WNT7A: variants seen among roughly 807,000 people sequenced by gnomAD.
WNT7A encodes the protein protein Wnt-7a.
Under a neutral mutation model 28.2 loss-of-function variants are expected in WNT7A, and 16 were observed. The observed-to-expected ratio is 0.57, with a 90% CI of 0.38 to 0.86. The LOEUF (loss-of-function observed/expected upper bound fraction) is 0.86. WNT7A is among the 40% of genes least tolerant of loss of function. The pLI is 0.00. For synonymous variants in WNT7A, 190 were observed against 195.9 expected (o/e 0.97, Z 0.25); for missense variants, 411 against 489.7 (o/e 0.84, Z 1.52).
Position 13,863,276 on chromosome 3 carries a change from C to T in WNT7A, c.299-8473G>A, listed in dbSNP as rs141306596. On this transcript the variant is annotated intron_variant, in intron 2 of 3. Coordinates refer to ENST00000285018, the MANE Select transcript of WNT7A (RefSeq NM_004625.4). ...CTCCACCTGTGGCCCAGCACCCTGT[C>T]CATCCTTACTTTGTATTGAATTGAA... Among the ~76,000 whole-genome samples the T allele has an allele frequency of 6.0e-3, 917 of 152,306 alleles. 8 individuals are homozygous for T. The highest frequency in any genetic ancestry group is 0.021 in the African/African-American group (871 of 41,558).
intron 2 of WNT7A, among the ~76,000 whole-genome samples, chr3:13,862,319 C>A (rs1287431651): frequency 6.6e-6 from 1 of 152,240 alleles, no homozygotes; most frequent in African/African-American, 2.4e-5. Context: ...ATGTCCAAGC[C>A]TGCCCAAAAG....
At chr3:13,851,949 A>G (rs1694644952) in intron 3 of WNT7A, among the ~76,000 whole-genome samples, 1 of 152,222 alleles carries the variant, frequency 6.6e-6, no homozygotes, top group Admixed American at 6.5e-5. Context: ...GCACCTAACC[A>G]TTCTGATTCG....
intron 2 of WNT7A, among the ~76,000 whole-genome samples, chr3:13,869,661 G>GAC (rs1694998622): frequency 3.0e-5 from 2 of 67,600 alleles, no homozygotes; most frequent in Admixed American, 1.4e-4. Context: ...GAAAGAAAGA[G>GAC]GGAAGGAGGG....
At chr3:13,823,944 G>A (rs1363405334) in intron 3 of WNT7A, among the ~76,000 whole-genome samples, 1 of 152,170 alleles carries the variant, frequency 6.6e-6, no homozygotes, top group African/African-American at 2.4e-5. Context: ...ACAGCCCCCG[G>A]ATTCTAGCAG....
rs555742846 is a variant in WNT7A at position 13,826,419 on chromosome 3, C to T, written c.571-6996G>A. 7.9e-5 allele frequency among the ~76,000 whole-genome samples: 12 copies of T among 152,080 alleles called. No individual in the cohort carries two copies. In the East Asian group the frequency reaches 9.6e-4, roughly 12 times the overall value. ...CCAGGGCTGAGCTGGAGTCAGATAA[C>T]GGGAGGGATAAATTAGAACTGGCCA... On this transcript the variant is annotated intron_variant, in intron 3 of 3. Coordinates refer to ENST00000285018, the MANE Select transcript of WNT7A (RefSeq NM_004625.4).
chr3:13,856,918 A>AAGAAGAAGAAGAAGG, intron 2 of WNT7A, among the ~76,000 whole-genome samples: 1 of 99,986 alleles, frequency 1.0e-5, no homozygotes, highest in Non-Finnish European at 1.9e-5. Context: ...GAAGAAGAAG[A>AAGAAGAAGAAGAAGG]AGAAGAAGAA....
rs1694023706 is a variant in WNT7A, at chr3:13,817,448, ACACACACACACACACACACACACCG to A, written c.*1471_*1495del. On this transcript the variant is annotated 3_prime_UTR_variant, in exon 4 of 4. Transcript: ENST00000285018. ...TACACACACACACACACACACACACACACACACACACACACACACACACCGGAAATGCAAACGGACACATATTAGA... is the reference window on the plus strand; with the variant it reads ...TACACACACACACACACACACACACAGAAATGCAAACGGACACATATTAGA... 1.9e-5 allele frequency: 2 copies of A among 107,076 alleles called. No homozygotes were observed. The highest frequency in any genetic ancestry group is 3.5e-5 in the African/African-American group (1 of 28,706). The allele number at this position is 107,076 out of a possible 1,614,324, so 6.6% of individuals were successfully genotyped here. A position where few individuals can be genotyped will look rare whatever the true frequency, so the allele number is the denominator to read the frequency against.
At chr3:13,879,690 C>G in intron 1 of WNT7A, 56 bp downstream of exon 1, 2 of 1,583,128 alleles carry the variant, frequency 1.3e-6, no homozygotes. Flanking sequence ...ACCTCCCTCC[C>G]CGGGCCGTGC....
chr3:13,844,716 G>T (rs1694512240), intron 3 of WNT7A, among the ~76,000 whole-genome samples: 1 of 152,184 alleles, frequency 6.6e-6, no homozygotes, highest in South Asian at 2.1e-4. Flanking sequence ...AAGTGCCTTT[G>T]TCAGGCAAGG....
chr3:13,864,821 AT>A (rs376960806), intron 2 of WNT7A, among the ~76,000 whole-genome samples: 10 of 152,296 alleles, frequency 6.6e-5, no homozygotes, highest in African/African-American at 2.4e-4. Flanking sequence ...TCGCATATAC[AT>A]TTTACATGTA....
intron 3 of WNT7A, among the ~76,000 whole-genome samples, chr3:13,839,870 G>A (rs1694428956): frequency 6.6e-6 from 1 of 152,212 alleles, no homozygotes; most frequent in African/African-American, 2.4e-5. Context: ...TTAAAATGCT[G>A]ACAGCCTCCC....
chr3:13,854,505 G>C, intron 3 of WNT7A, 27 bp downstream of exon 3: 4 of 1,613,714 alleles, frequency 2.5e-6, no homozygotes, highest in Non-Finnish European at 3.4e-6. Flanking sequence ...CGCGAGCGCC[G>C]CCCAGCTGCC....
intron 3 of WNT7A, among the ~76,000 whole-genome samples, chr3:13,823,996 C>T (rs1694149576): frequency 6.6e-6 from 1 of 152,204 alleles, no homozygotes; most frequent in Admixed American, 6.5e-5. Context: ...TAACCACTCC[C>T]CAGTGTAGCC....
intron 3 of WNT7A, among the ~76,000 whole-genome samples, chr3:13,853,651 G>C (rs1173031249): frequency 6.6e-6 from 1 of 152,200 alleles, no homozygotes; most frequent in East Asian, 1.9e-4. Context: ...TGTTGCCCAC[G>C]GGCTCATGGC....
At chr3:13,854,360 C>T (rs1278145456) in intron 3 of WNT7A, among the ~76,000 whole-genome samples, 172 bp downstream of exon 3, 5 of 152,114 alleles carry the variant, frequency 3.3e-5, no homozygotes, top group Non-Finnish European at 5.9e-5. Context: ...TGACAAGCTT[C>T]GTGCCATACA....
At chr3:13,837,554 A>G (rs1391875174) in intron 3 of WNT7A, among the ~76,000 whole-genome samples, 1 of 151,918 alleles carries the variant, frequency 6.6e-6, no homozygotes, top group Non-Finnish European at 1.5e-5. Flanking sequence ...GAATGAATGA[A>G]TGAATGAATG....
intron 3 of WNT7A, among the ~76,000 whole-genome samples, chr3:13,841,847 G>T (rs1485107680): frequency 6.6e-6 from 1 of 152,234 alleles, no homozygotes; most frequent in Non-Finnish European, 1.5e-5. Flanking sequence ...AGGAAGCAGC[G>T]AGACAGACTG....
chr3:13,862,906 A>C (rs1362487461), intron 2 of WNT7A, among the ~76,000 whole-genome samples: 1 of 152,198 alleles, frequency 6.6e-6, no homozygotes, highest in African/African-American at 2.4e-5. Flanking sequence ...TCTGCCTGCT[A>C]AGGGGCAGTG....
intron 3 of WNT7A, among the ~76,000 whole-genome samples, chr3:13,844,992 G>C (rs1694515933): frequency 6.6e-6 from 1 of 152,208 alleles, no homozygotes. Flanking sequence ...ATTGTCCCCG[G>C]TGTGCGTCTT....
Sources: allele counts gnomAD v4.1 joint callset (sites outside exome capture counted in the v4.1 genomes callset), GRCh38; gene constraint gnomAD v4.1.1; transcripts MANE v1.5; gene names NCBI Gene and HGNC (gene_info 2026-07-23, HGNC 2026-07-21).